SH3YL1: variants seen among roughly 807,000 people sequenced by gnomAD.
SH3YL1 encodes SH3 domain-containing YSC84-like protein 1.
SH3YL1 carries 41 observed loss-of-function variants against 45.8 expected under a neutral mutation model. The ratio of observed to expected loss-of-function variants is 0.89; its 90% CI spans 0.70 to 1.16. The LOEUF (loss-of-function observed/expected upper bound fraction) is 1.16. SH3YL1 is among the 50% of genes most tolerant of loss of function. The pLI, the probability that SH3YL1 is intolerant of heterozygous loss-of-function variation, is 0.00. For synonymous variants in SH3YL1, 152 were observed against 151.4 expected (o/e 1.00, Z -0.03); for missense variants, 389 against 409.6 (o/e 0.95, Z 0.43).
chr2:253,122 C>A lies in SH3YL1; in HGVS notation c.2-7G>T. 7.1e-7 allele frequency: 1 copy of A among 1,408,616 alleles called. No individual in the cohort carries two copies. Among genetic ancestry groups the A allele is most frequent in the Non-Finnish European group, 9.7e-7 (1 of 1,031,882 alleles). 87.3% of individuals were successfully genotyped at this position (1,408,616 alleles called of 1,614,324 possible). A position where few individuals can be genotyped will look rare whatever the true frequency, so the allele number is the denominator to read the frequency against. On this transcript the variant is annotated splice_polypyrimidine_tract_variant and splice_region_variant and intron_variant, in intron 1 of 9. Transcript: ENST00000356150. ...GAAGGTATAGGGTTATTCACTGAAACATAACAAAAGATATTTTAATGAAAA... is the reference window on the plus strand; with the variant it reads ...GAAGGTATAGGGTTATTCACTGAAAAATAACAAAAGATATTTTAATGAAAA...
At chr2:221,967 C>A (rs1259744604) in intron 9 of SH3YL1, among the ~76,000 whole-genome samples, 1 of 152,056 alleles carries the variant, frequency 6.6e-6, no homozygotes, top group South Asian at 2.1e-4. Context: ...AGTTTAATGC[C>A]CACAAAGAAT....
chr2:263,938 T>G (rs545975899), intron 1 of SH3YL1, 46 bp downstream of exon 1: 5 of 1,447,650 alleles, frequency 3.5e-6, no homozygotes, highest in Non-Finnish European at 4.7e-6. Context: ...GCCCAGCTCT[T>G]GAGAGGGGAG....
intron 8 of SH3YL1, among the ~76,000 whole-genome samples, chr2:229,536 C>A (rs7596838): frequency 0.073 from 11,100 of 151,516 alleles, 511 homozygotes; most frequent in African/African-American, 0.12. Context: ...GAGACCATCC[C>A]GGCTAAAACG....
chr2:229,789 T>C (rs1667952777), intron 8 of SH3YL1, 177 bp downstream of exon 8: 1 of 458,750 alleles, frequency 2.2e-6, no homozygotes, highest in East Asian at 3.6e-5. Context: ...TTTCATAAAT[T>C]ATAGCAATGA....
At chr2:229,163 T>G (rs1050072121) in intron 8 of SH3YL1, among the ~76,000 whole-genome samples, 15 of 152,114 alleles carry the variant, frequency 9.9e-5, no homozygotes, top group African/African-American at 3.1e-4. Flanking sequence ...GAAACACAAG[T>G]GATTCACAAA....
chr2:233,106 A>T lies in SH3YL1; in HGVS notation c.528T>A (p.Asn176Lys). The change falls in exon 6 of 10, where the codon AAT becomes AAA. Residue 176 changes from asparagine to lysine, a missense_variant. Coordinates refer to ENST00000356150, the MANE Select transcript of SH3YL1 (RefSeq NM_015677.4). The stretch of plus-strand genomic sequence containing the variant: ...TCACTTTAACTTGAACTGACTTTCT[A>T]TTAGTTTCTTTCCTTTCAATCAAAC... Reference protein sequence around the residue: ...GSCLIERKETNRKFYCQDIRA... With the variant: ...GSCLIERKETKRKFYCQDIRA... 6.4e-7 allele frequency: 1 copy of T among 1,565,750 alleles called. No homozygotes were observed. Among genetic ancestry groups the T allele is most frequent in the Non-Finnish European group, 8.7e-7 (1 of 1,155,118 alleles).
At chr2:262,185 T>C (rs1006995116) in intron 1 of SH3YL1, 6 of 155,360 alleles carry the variant, frequency 3.9e-5, no homozygotes, top group East Asian at 3.8e-4. Context: ...CCTTTGTTTC[T>C]TAAGTCAATT....
chr2:220,833 C>A (rs1239193650), intron 9 of SH3YL1, among the ~76,000 whole-genome samples: 2 of 152,216 alleles, frequency 1.3e-5, no homozygotes, highest in Admixed American at 1.3e-4. Context: ...GTCTCCCAGA[C>A]ACGTTAGATA....
chr2:243,635 T>C (rs1171311162), intron 4 of SH3YL1: 4 of 1,480,178 alleles, frequency 2.7e-6, no homozygotes, highest in Non-Finnish European at 3.6e-6. Context: ...AGAGTTTAAC[T>C]AAACTTTAAG....
chr2:246,378 A>G (rs1341005257), intron 4 of SH3YL1, among the ~76,000 whole-genome samples: 2 of 152,096 alleles, frequency 1.3e-5, no homozygotes, highest in Non-Finnish European at 2.9e-5. Flanking sequence ...GAAACTCTCA[A>G]TTTTTGGTCT....
chr2:250,469 T>C (rs1422405758), intron 2 of SH3YL1, among the ~76,000 whole-genome samples: 1 of 152,238 alleles, frequency 6.6e-6, no homozygotes, highest in Admixed American at 6.5e-5. Flanking sequence ...AAAATATTGG[T>C]TTATTCACAT....
intron 6 of SH3YL1, among the ~76,000 whole-genome samples, chr2:232,351 C>A (rs1668084730): frequency 6.6e-6 from 1 of 151,908 alleles, no homozygotes; most frequent in African/African-American, 2.4e-5. Context: ...CTGACTGACA[C>A]ATGAGTTGTA....
intron 1 of SH3YL1, among the ~76,000 whole-genome samples, chr2:254,433 T>C (rs1669217159): frequency 6.6e-6 from 1 of 152,172 alleles, no homozygotes; most frequent in African/African-American, 2.4e-5. Context: ...ACAAGTGCCC[T>C]GAGGCTGAGA....
chr2:218,930 A>G lies in SH3YL1; in HGVS notation c.910T>C (p.Phe304Leu), dbSNP rs1200997915. The change falls in exon 10 of 10, where the codon TTT becomes CTT. Residue 304 changes from phenylalanine to leucine, a missense_variant. Physicochemically the swap from Phe to Leu is conservative, Grantham distance 22 (BLOSUM62 0). Coordinates refer to ENST00000356150, the MANE Select transcript of SH3YL1 (RefSeq NM_015677.4). ...ACTGTGATTCTGTCTCCAGCTTGAA[A>G]ATTCAAATCCCCAGGCTGCTGTCCT... ...FEGQQPGDLN[F>L]QAGDRITVIS... 1 of 1,614,094 alleles carries G rather than the reference A, an allele frequency of 6.2e-7. No homozygotes were observed. The highest frequency in any genetic ancestry group is 8.5e-7 in the Non-Finnish European group (1 of 1,180,000).
intron 1 of SH3YL1, among the ~76,000 whole-genome samples, chr2:261,919 CTTACTGA>C (rs1390005167): frequency 1.3e-5 from 2 of 152,170 alleles, no homozygotes; most frequent in East Asian, 1.9e-4. Flanking sequence ...TTTCCAAGTT[CTTACTGA>C]TTACATATTA....
chr2:254,808 A>G (rs1456423774), intron 1 of SH3YL1, among the ~76,000 whole-genome samples: 1 of 152,176 alleles, frequency 6.6e-6, no homozygotes. Flanking sequence ...ACGTGAGACA[A>G]ATGCATATCT....
chr2:263,899 G>A (rs1354008366), intron 1 of SH3YL1, 85 bp downstream of exon 1: 3 of 1,212,930 alleles, frequency 2.5e-6, no homozygotes, highest in East Asian at 2.8e-5. Context: ...AGGCATCGCC[G>A]GTTTTCCCGT....
chr2:239,042 T>C (rs1668428441), intron 4 of SH3YL1, among the ~76,000 whole-genome samples: 1 of 152,114 alleles, frequency 6.6e-6, no homozygotes, highest in African/African-American at 2.4e-5. Flanking sequence ...GAAGAATGAG[T>C]CTGACATTCA....
intron 4 of SH3YL1, among the ~76,000 whole-genome samples, chr2:235,143 C>T (rs575576082): frequency 6.6e-6 from 1 of 152,216 alleles, no homozygotes; most frequent in African/African-American, 2.4e-5. Context: ...TCCCAAAGTG[C>T]TGGATTACAG....
Sources: allele counts gnomAD v4.1 joint callset (sites outside exome capture counted in the v4.1 genomes callset), GRCh38; gene constraint gnomAD v4.1.1; transcripts MANE v1.5; gene names NCBI Gene and HGNC (gene_info 2026-07-23, HGNC 2026-07-21).